Variants in CAPZA2 observed in about 807,000 individuals in gnomAD.
The protein encoded by CAPZA2 is capping actin protein of muscle Z-line subunit alpha 2.
A neutral mutation model predicts 44.0 loss-of-function variants in CAPZA2; 13 were observed. The ratio of observed to expected loss-of-function variants is 0.30; its 90% CI spans 0.19 to 0.47. The LOEUF (loss-of-function observed/expected upper bound fraction) is 0.47, where lower values mean the gene tolerates loss of function less well. Among genes scored for constraint, CAPZA2 ranks in the 20% least tolerant of loss-of-function variants. The pLI is 1.00. For synonymous variants in CAPZA2, 94 were observed against 108.2 expected (o/e 0.87, Z 0.81); for missense variants, 244 against 338.6 (o/e 0.72, Z 2.19).
intron 4 of CAPZA2, among the ~76,000 whole-genome samples, chr7:116,903,836 A>G (rs767448877): frequency 5.3e-5 from 8 of 152,186 alleles, no homozygotes; most frequent in Non-Finnish European, 8.8e-5. Flanking sequence ...GTTTTGAGGA[A>G]CTGGAGTCTG....
intron 1 of CAPZA2, among the ~76,000 whole-genome samples, chr7:116,887,370 T>C (rs1796775775): frequency 6.6e-6 from 1 of 151,730 alleles, no homozygotes; most frequent in Non-Finnish European, 1.5e-5. Context: ...CTATCAAAAA[T>C]ACAAAAAATT....
chr7:116,874,001 G>A (rs1796587397), intron 1 of CAPZA2: 1 of 152,692 alleles, frequency 6.5e-6, no homozygotes, highest in African/African-American at 2.4e-5. Context: ...CAGCAATGTA[G>A]GTGTAAGATT....
chr7:116,899,058 T>C (rs773693795), intron 4 of CAPZA2, among the ~76,000 whole-genome samples: 2 of 152,034 alleles, frequency 1.3e-5, no homozygotes, highest in Non-Finnish European at 2.9e-5. Context: ...TTTAAGATTT[T>C]AGTAAATGAT....
rs767575888 is a variant in CAPZA2, at chr7:116,862,617, G to T, written c.6G>T (p.Ala2=). 1 of 1,539,442 alleles carries T rather than the reference G, an allele frequency of 6.5e-7. No individual in the cohort carries two copies. The highest frequency in any genetic ancestry group is 2.6e-5 in the East Asian group (1 of 39,142). Residue 2 remains alanine (A), a synonymous_variant, in exon 1 of 10, where the codon GCG becomes GCT. Transcript: ENST00000361183. The part of the protein sequence containing the change: M[A]DLEEQLSDEE... ...GGTTTGTCGCCAGAAGGAAGATGGC[G>T]GATCTGGAGGAGCAGTTGTCTGATG... is the stretch of plus-strand genomic sequence containing the variant.
At chr7:116,874,497 A>G (rs780354217) in intron 1 of CAPZA2, 2 of 152,254 alleles carry the variant, frequency 1.3e-5, no homozygotes, top group Non-Finnish European at 2.9e-5. Flanking sequence ...AGATGTAGGC[A>G]CGTTGTATAC....
intron 4 of CAPZA2, among the ~76,000 whole-genome samples, chr7:116,903,910 G>A (rs1379966812): frequency 6.6e-6 from 1 of 152,128 alleles, no homozygotes; most frequent in Non-Finnish European, 1.5e-5. Flanking sequence ...CACTTGAACA[G>A]TGTTTTTAGA....
At chr7:116,878,233 A>G (rs948878685) in intron 1 of CAPZA2, among the ~76,000 whole-genome samples, 3 of 152,174 alleles carry the variant, frequency 2.0e-5, no homozygotes, top group African/African-American at 7.2e-5. Flanking sequence ...GTGATGATGG[A>G]AGCAATGGAA....
At chr7:116,871,741 T>C (rs1030352659) in intron 1 of CAPZA2, among the ~76,000 whole-genome samples, 3 of 152,226 alleles carry the variant, frequency 2.0e-5, no homozygotes, top group Non-Finnish European at 4.4e-5. Context: ...CCTAAGCAAT[T>C]TGTACTTATC....
intron 1 of CAPZA2, among the ~76,000 whole-genome samples, chr7:116,883,727 C>G (rs372847567): frequency 6.6e-6 from 1 of 152,118 alleles, no homozygotes; most frequent in Admixed American, 6.6e-5. Context: ...CAGTACAGAT[C>G]ATTTTTGCTT....
chr7:116,876,874 G>A (rs1335378235), intron 1 of CAPZA2, among the ~76,000 whole-genome samples: 1 of 152,204 alleles, frequency 6.6e-6, no homozygotes, highest in African/African-American at 2.4e-5. Flanking sequence ...GCTTGAGGAC[G>A]GAGTGAACAG....
chr7:116,912,421 A>G (rs1456507072), intron 8 of CAPZA2, among the ~76,000 whole-genome samples: 2 of 151,992 alleles, frequency 1.3e-5, no homozygotes, highest in African/African-American at 4.8e-5. Flanking sequence ...ATCTAATTTT[A>G]GAACATTTTC....
At chr7:116,863,725 T>TGC (rs1796447004) in intron 1 of CAPZA2, among the ~76,000 whole-genome samples, 6 of 152,182 alleles carry the variant, frequency 3.9e-5, no homozygotes, top group Admixed American at 3.9e-4. Flanking sequence ...CCACTCTTCG[T>TGC]TAAAGAGTGC....
chr7:116,865,909 A>ATT (rs1483291159), intron 1 of CAPZA2, among the ~76,000 whole-genome samples: 2 of 152,202 alleles, frequency 1.3e-5, no homozygotes, highest in African/African-American at 2.4e-5. Flanking sequence ...CCAAGCAAAT[A>ATT]GTGTTAGGTT....
chr7:116,906,941 CTA>C (rs1791522549), intron 6 of CAPZA2, among the ~76,000 whole-genome samples: 1 of 152,158 alleles, frequency 6.6e-6, no homozygotes, highest in South Asian at 2.1e-4. Context: ...TTAGACAAGA[CTA>C]TTTCTGAGTA....
chr7:116,880,597 G>A (rs577397255), intron 1 of CAPZA2, among the ~76,000 whole-genome samples: 16 of 147,738 alleles, frequency 1.1e-4, no homozygotes, highest in Admixed American at 5.5e-4. Context: ...GTTTTTTACC[G>A]TGTTGGGCAG....
chr7:116,917,349 G>A (rs1791693546), intron 9 of CAPZA2, among the ~76,000 whole-genome samples: 1 of 152,162 alleles, frequency 6.6e-6, no homozygotes, highest in Admixed American at 6.5e-5. Flanking sequence ...CCGCCTTCCA[G>A]GTTCACGCCA....
intron 1 of CAPZA2, among the ~76,000 whole-genome samples, chr7:116,865,116 G>T (rs924416278): frequency 6.0e-5 from 9 of 150,934 alleles, no homozygotes; most frequent in African/African-American, 2.2e-4. Context: ...CAAGATGAAG[G>T]TAGTATTTAA....
chr7:116,907,124 A>T (rs1158186620), intron 6 of CAPZA2, among the ~76,000 whole-genome samples: 1 of 151,784 alleles, frequency 6.6e-6, no homozygotes, highest in African/African-American at 2.4e-5. Context: ...TGGTGGTGCT[A>T]TTAAGGGTAA....
chr7:116,877,573 G>A (rs1796638710), intron 1 of CAPZA2, among the ~76,000 whole-genome samples: 1 of 152,206 alleles, frequency 6.6e-6, no homozygotes, highest in South Asian at 2.1e-4. Flanking sequence ...CTTGCTCTGT[G>A]CCAAGCACTT....
Sources: allele counts gnomAD v4.1 joint callset (sites outside exome capture counted in the v4.1 genomes callset), GRCh38; gene constraint gnomAD v4.1.1; transcripts MANE v1.5; gene names NCBI Gene and HGNC (gene_info 2026-07-23, HGNC 2026-07-21).